Variants in NEK7 observed in about 807,000 individuals in gnomAD.
NEK7 encodes the protein NIMA related kinase 7, also known as serine/threonine-protein kinase Nek7.
Under a neutral mutation model 44.6 loss-of-function variants are expected in NEK7, and 18 were observed. The ratio of observed to expected loss-of-function variants is 0.40; its 90% CI spans 0.28 to 0.60. NEK7 has a LOEUF of 0.60. Ranked by LOEUF, NEK7 falls within the 20% of genes least tolerant of loss-of-function variation. NEK7 has a pLI of 0.38. For missense variants in NEK7, 256 were observed against 366.5 expected (o/e 0.70, Z 2.46); for synonymous variants, 130 against 121.1 (o/e 1.07, Z -0.48).
At chr1:198,252,959 C>T (rs1653121279) in intron 2 of NEK7, 81 bp from the exon 3 acceptor site, 2 of 1,180,124 alleles carry the variant, frequency 1.7e-6, no homozygotes, top group African/African-American at 1.5e-5. Flanking sequence ...GTGTCACCTA[C>T]ATATATGAAA....
At chr1:198,314,227 G>A (rs2103041385) in intron 9 of NEK7, among the ~76,000 whole-genome samples, 1 of 152,020 alleles carries the variant, frequency 6.6e-6, no homozygotes, top group Non-Finnish European at 1.5e-5. Flanking sequence ...GATTGCATTG[G>A]CTCCTGAGGC....
chr1:198,197,649 C>T (rs1183980137), intron 1 of NEK7: 2 of 335,726 alleles, frequency 6.0e-6, no homozygotes, highest in African/African-American at 4.3e-5. Flanking sequence ...GGCTGAACAG[C>T]AGGGTTAGGC....
chr1:198,293,054 T>A lies in NEK7; in HGVS notation c.684+15T>A, dbSNP rs1337610799. ...TACTATATGAGGTAGGTAATGTTGA[T>A]AAATTCCAAATATTGATGCAGTTTT... On this transcript the variant is annotated intron_variant, in intron 8 of 9. Transcript: ENST00000367385. 7.6e-7 allele frequency: 1 copy of A among 1,312,960 alleles called. No individual in the cohort carries two copies. Among genetic ancestry groups the A allele is most frequent in the Non-Finnish European group, 1.1e-6 (1 of 907,580 alleles). 81.3% of individuals were successfully genotyped at this position (1,312,960 alleles called of 1,614,324 possible).
rs1655487995 is a variant in NEK7, at chr1:198,319,936, A to G, written c.*414A>G. The G allele has an allele frequency of 6.5e-6, 1 of 153,344 alleles. No homozygotes were observed. The highest frequency in any genetic ancestry group is 1.5e-5 in the Non-Finnish European group (1 of 68,790). 9.5% of individuals were successfully genotyped at this position (153,344 alleles called of 1,614,324 possible). A position where few individuals can be genotyped will look rare whatever the true frequency, so the allele number is the denominator to read the frequency against. On this transcript the variant is annotated 3_prime_UTR_variant, in exon 10 of 10. Coordinates refer to ENST00000367385, the MANE Select transcript of NEK7 (RefSeq NM_133494.3). Reference sequence around the variant, plus strand: ...GTTTCTTTTTTAGTAATTTATGGACATTGAGATGAACACAATTGTGAACTT... The same window carrying G: ...GTTTCTTTTTTAGTAATTTATGGACGTTGAGATGAACACAATTGTGAACTT...
intron 2 of NEK7, among the ~76,000 whole-genome samples, chr1:198,252,384 A>G (rs1419110305): frequency 7.9e-5 from 12 of 151,596 alleles, no homozygotes; most frequent in East Asian, 1.9e-4. Flanking sequence ...GTAGATGTCT[A>G]TTAGGTCTGC....
chr1:198,198,114 T>C (rs981500592), intron 1 of NEK7: 4 of 1,192,610 alleles, frequency 3.4e-6, no homozygotes, highest in Non-Finnish European at 4.8e-6. Flanking sequence ...TGGGCAGGAT[T>C]GGAACCTCCA....
At chr1:198,315,123 A>G (rs1655321256) in intron 9 of NEK7, among the ~76,000 whole-genome samples, 1 of 152,092 alleles carries the variant, frequency 6.6e-6, no homozygotes, top group Non-Finnish European at 1.5e-5. Context: ...CAGATGCGGG[A>G]TATAGTCTCC....
intron 7 of NEK7, among the ~76,000 whole-genome samples, chr1:198,288,967 A>G (rs766268610): frequency 2.6e-5 from 4 of 152,174 alleles, no homozygotes; most frequent in Admixed American, 6.5e-5. Flanking sequence ...TGTCTTTTGC[A>G]GAAGAAATAT....
intron 7 of NEK7, among the ~76,000 whole-genome samples, chr1:198,286,894 G>A (rs1405276626): frequency 1.3e-5 from 2 of 152,110 alleles, no homozygotes; most frequent in Non-Finnish European, 2.9e-5. Context: ...TAGCAGTGGT[G>A]GAGAGTCCCT....
chr1:198,297,341 A>G (rs1384245303), intron 9 of NEK7, 101 bp downstream of exon 9: 5 of 1,431,226 alleles, frequency 3.5e-6, no homozygotes, highest in East Asian at 2.3e-5. Context: ...AATGAATGGT[A>G]TAGGTAGCAG....
At chr1:198,166,988 A>C (rs1664287455) in intron 1 of NEK7, among the ~76,000 whole-genome samples, 1 of 152,204 alleles carries the variant, frequency 6.6e-6, no homozygotes, top group Non-Finnish European at 1.5e-5. Flanking sequence ...AATTATTACA[A>C]ACTAGATGGT....
chr1:198,321,738 T>C lies in NEK7; in HGVS notation c.*2216T>C, dbSNP rs771888216. On this transcript the variant is annotated 3_prime_UTR_variant, in exon 10 of 10. Transcript: ENST00000367385. ...AAACCACTGTGTAAAAATCAAATTT[T>C]AATTTTGAATGGAATAATTTCAAAG... The C allele has an allele frequency of 7.9e-5, 12 of 152,154 alleles. No individual in the cohort carries two copies. The highest frequency in any genetic ancestry group is 1.3e-4 in the Non-Finnish European group (9 of 67,964). 9.4% of individuals were successfully genotyped at this position (152,154 alleles called of 1,614,324 possible).
intron 9 of NEK7, among the ~76,000 whole-genome samples, chr1:198,310,594 T>C (rs925502730): frequency 6.6e-6 from 1 of 150,996 alleles, no homozygotes; most frequent in Admixed American, 6.6e-5. Context: ...TTTAAGTCTT[T>C]AATCCATCTT....
At chr1:198,234,638 T>C (rs1194691824) in intron 2 of NEK7, among the ~76,000 whole-genome samples, 2 of 152,214 alleles carry the variant, frequency 1.3e-5, no homozygotes, top group Non-Finnish European at 1.5e-5. Context: ...AAGTGATTGT[T>C]TTCCTGTGAG....
At chr1:198,160,196 A>T (rs568883972) in intron 1 of NEK7, among the ~76,000 whole-genome samples, 19 of 152,320 alleles carry the variant, frequency 1.2e-4, no homozygotes, top group Non-Finnish European at 2.4e-4. Flanking sequence ...GCCACCATTC[A>T]GGGTACCTGA....
At chr1:198,300,286 C>T (rs12090377) in intron 9 of NEK7, among the ~76,000 whole-genome samples, 29,648 of 151,944 alleles carry the variant, frequency 0.2, 4,397 homozygotes, top group African/African-American at 0.4. Flanking sequence ...AATTGTGACT[C>T]AAAAGGCCCG....
At chr1:198,161,326 A>G (rs1274076830) in intron 1 of NEK7, among the ~76,000 whole-genome samples, 1 of 152,140 alleles carries the variant, frequency 6.6e-6, no homozygotes, top group Non-Finnish European at 1.5e-5. Flanking sequence ...CATGGTAAAT[A>G]TTTCTGGCTT....
chr1:198,315,291 G>A (rs1046874983), intron 9 of NEK7, among the ~76,000 whole-genome samples: 9 of 152,146 alleles, frequency 5.9e-5, no homozygotes, highest in Non-Finnish European at 1.2e-4. Flanking sequence ...GCCCTGCTTC[G>A]GCTCGCGCAT....
At chr1:198,247,616 C>G (rs557777350) in intron 2 of NEK7, among the ~76,000 whole-genome samples, 1 of 152,162 alleles carries the variant, frequency 6.6e-6, no homozygotes, top group South Asian at 2.1e-4. Context: ...TTCTTGTACT[C>G]TGGTTATTTT....
Sources: gnomAD v4.1 joint callset for allele counts (sites outside exome capture counted in the v4.1 genomes callset) on GRCh38, gnomAD v4.1.1 for gene constraint, MANE v1.5 for transcripts, NCBI Gene and HGNC (gene_info 2026-07-23, HGNC 2026-07-21) for gene names.